Variants in ABCA13 observed in about 807,000 individuals in gnomAD.
ABCA13 encodes the protein ATP-binding cassette sub-family A member 13.
A neutral mutation model predicts 478.7 loss-of-function variants in ABCA13; 476 were observed. The observed-to-expected ratio is 0.99, with a 90% CI of 0.92 to 1.07. The LOEUF (loss-of-function observed/expected upper bound fraction) is 1.07. Among genes scored for constraint, ABCA13 ranks in the 50% least tolerant of loss-of-function variants. The probability of loss-of-function intolerance (pLI) is 0.00; values close to 1 mark genes in which losing one functional copy is unlikely to be tolerated. For missense variants in ABCA13, 6,060 were observed against 5,910.6 expected, an observed-to-expected ratio of 1.03 and a Z score of -0.83; for synonymous variants, 2,252 against 2,158.9, an observed-to-expected ratio of 1.04 and a Z score of -1.20.
At chr7:48,465,280 C>G (rs1202294304) in intron 43 of ABCA13, among the ~76,000 whole-genome samples, 1 of 152,210 alleles carries the variant, frequency 6.6e-6, no homozygotes, top group Non-Finnish European at 1.5e-5. Context: ...ATGTTCCATT[C>G]TATGTGTACG....
rs58253125 is a variant in ABCA13 at position 48,633,931 on chromosome 7, C to CATAG, written c.14838-9310_14838-9307dup. Among the ~76,000 whole-genome samples, 344 of 144,988 alleles carry CATAG rather than the reference C, an allele frequency of 2.4e-3. 3 individuals are homozygous for CATAG. Among genetic ancestry groups the CATAG allele is most frequent in the East Asian group, 3.6e-3 (17 of 4,758 alleles). ...AGATAGATACATAGATAGATAGATA[C>CATAG]ATAGATAGATAGATAGATAGATAGA... On this transcript the variant is annotated intron_variant, in intron 59 of 61. Transcript: ENST00000435803.
At chr7:48,171,645 G>C in intron 1 of ABCA13, 93 bp downstream of exon 1, 1 of 1,375,936 alleles carries the variant, frequency 7.3e-7, no homozygotes, top group Admixed American at 2.0e-5. Context: ...CCTCCTGGCA[G>C]GTAAAAACAC....
intron 45 of ABCA13, among the ~76,000 whole-genome samples, chr7:48,478,310 T>TAA (rs774850887): frequency 1.7e-4 from 25 of 146,306 alleles, no homozygotes; most frequent in Admixed American, 3.4e-4. Flanking sequence ...TATATATATA[T>TAA]AATCACACAC....
intron 43 of ABCA13, among the ~76,000 whole-genome samples, chr7:48,456,494 A>T (rs1585402166): frequency 6.6e-6 from 1 of 152,216 alleles, no homozygotes; most frequent in South Asian, 2.1e-4. Flanking sequence ...TAAAATAAAA[A>T]ACAATCACAT....
In ABCA13 at chr7:48,295,788, G is replaced by GT. The variant is rs772461738; in HGVS notation, c.9044_9045insT (p.Ser3016GlnfsTer51). 1 of 1,614,034 alleles carries GT rather than the reference G, an allele frequency of 6.2e-7. No individual in the cohort carries two copies. Among genetic ancestry groups the GT allele is most frequent in the South Asian group, 1.1e-5 (1 of 91,088 alleles). ...TCTAGCACCTTGGAGAGCTTCAAGA[G>GT]CAGCTTGGAAAATGCCACTGGCCAG... On this transcript the variant is annotated frameshift_variant, in exon 21 of 62. Transcript: ENST00000435803. LOFTEE classifies it high-confidence loss of function.
intron 31 of ABCA13, among the ~76,000 whole-genome samples, chr7:48,362,409 C>CTTTTTTTTTTTTTTTTTTTTCTT (rs35795708): frequency 1.2e-5 from 1 of 86,010 alleles, no homozygotes; most frequent in Non-Finnish European, 2.2e-5. Flanking sequence ...TCCTCTTCTT[C>CTTTTTTTTTTTTTTTTTTTTCTT]TTTTTTTTTT....
chr7:48,499,690 A>G (rs1342212220), intron 48 of ABCA13, among the ~76,000 whole-genome samples: 1 of 152,240 alleles, frequency 6.6e-6, no homozygotes, highest in Non-Finnish European at 1.5e-5. Context: ...AATTATTCAA[A>G]TGTACTCAAC....
chr7:48,460,191 C>T (rs1041966657), intron 43 of ABCA13, among the ~76,000 whole-genome samples: 5 of 152,202 alleles, frequency 3.3e-5, no homozygotes, highest in African/African-American at 1.2e-4. Flanking sequence ...TCACCATCCC[C>T]TTCTCCTGTT....
intron 59 of ABCA13, among the ~76,000 whole-genome samples, chr7:48,638,634 T>C (rs1042376779): frequency 2.6e-5 from 4 of 152,196 alleles, no homozygotes; most frequent in Non-Finnish European, 5.9e-5. Context: ...AAATCAAACT[T>C]AACTGAAGTT....
intron 41 of ABCA13, among the ~76,000 whole-genome samples, chr7:48,424,418 A>G (rs907553561): frequency 1.3e-5 from 2 of 152,230 alleles, no homozygotes; most frequent in Non-Finnish European, 2.9e-5. Flanking sequence ...AACTCAGTTA[A>G]CATTGTTGAT....
At chr7:48,488,189 C>G (rs1444143931) in intron 47 of ABCA13, among the ~76,000 whole-genome samples, 1 of 150,340 alleles carries the variant, frequency 6.7e-6, no homozygotes, top group East Asian at 1.9e-4. Flanking sequence ...AAGAGGTAGG[C>G]TATTTGAGAA....
At chr7:48,368,801 A>G (rs1812182341) in intron 32 of ABCA13, among the ~76,000 whole-genome samples, 1 of 148,528 alleles carries the variant, frequency 6.7e-6, no homozygotes, top group South Asian at 2.1e-4. Context: ...ACACACAGAC[A>G]TTTTCTTTAT....
At chr7:48,287,505 G>T (rs1441806424) in intron 19 of ABCA13, among the ~76,000 whole-genome samples, 1 of 152,122 alleles carries the variant, frequency 6.6e-6, no homozygotes, top group Non-Finnish European at 1.5e-5. Flanking sequence ...GTCATGACTG[G>T]CTTCCAGGAA....
chr7:48,627,010 A>G, intron 59 of ABCA13: 1 of 985,440 alleles, frequency 1.0e-6, no homozygotes. Flanking sequence ...AGCAATATTT[A>G]TAAACTCTGA....
chr7:48,485,321 A>T (rs2204649), intron 47 of ABCA13, among the ~76,000 whole-genome samples: 19 of 152,220 alleles, frequency 1.2e-4, no homozygotes, highest in African/African-American at 4.1e-4. Flanking sequence ...GTATGTTCCT[A>T]AAAGAAGATT....
chr7:48,290,939 G>GAAAAA lies in ABCA13; in HGVS notation c.8955+2861_8955+2862insAAAAA, dbSNP rs754416012. Among the ~76,000 whole-genome samples the GAAAAA allele has an allele frequency of 2.5e-4, 20 of 79,596 alleles. 2 individuals carry two copies. Among genetic ancestry groups the GAAAAA allele is most frequent in the Non-Finnish European group, 3.0e-4 (13 of 43,224 alleles). 52.2% of individuals were successfully genotyped at this position (79,596 alleles called of 152,430 possible). On this transcript the variant is annotated intron_variant, in intron 20 of 61. Transcript: ENST00000435803. The stretch of plus-strand genomic sequence containing the variant: ...AAGGTTTAGAGAGCTTCACACTCAG[G>GAAAAA]GAAAAAAAAAAAAAAAAAAAAAAAA...
chr7:48,317,423 T>C (rs1471759744), intron 27 of ABCA13, 127 bp downstream of exon 27: 1 of 1,090,402 alleles, frequency 9.2e-7, no homozygotes. Context: ...TTGAATCTAC[T>C]TCATTTTAGC....
intron 6 of ABCA13, 95 bp downstream of exon 6, chr7:48,227,520 A>T (rs1237330222): frequency 2.1e-6 from 3 of 1,395,860 alleles, no homozygotes; most frequent in Admixed American, 2.3e-5. Flanking sequence ...TGTTGGATTT[A>T]AAAAAACCTC....
At chr7:48,310,287 C>T (rs1563022094) in intron 24 of ABCA13, 146 bp downstream of exon 24, 2 of 885,118 alleles carry the variant, frequency 2.3e-6, no homozygotes, top group East Asian at 5.0e-5. Context: ...CTGGTGTCAC[C>T]TGTTTGCTGA....
Sources: gnomAD v4.1 joint callset for allele counts (sites outside exome capture counted in the v4.1 genomes callset) on GRCh38, gnomAD v4.1.1 for gene constraint, MANE v1.5 for transcripts, NCBI Gene and HGNC (gene_info 2026-07-23, HGNC 2026-07-21) for gene names.